Variants in PTK6 observed in about 807,000 individuals in gnomAD.
PTK6 encodes protein tyrosine kinase 6.
PTK6 carries 47 observed loss-of-function variants against 47.5 expected under a neutral mutation model. That is an observed-to-expected ratio of 0.99 (90% CI 0.78 to 1.26). The LOEUF is 1.26. Ranked by LOEUF, PTK6 falls within the 50% of genes most tolerant of loss-of-function variation. PTK6 has a pLI of 0.00. For synonymous variants in PTK6, 287 were observed against 276.5 expected (o/e 1.04, Z -0.38); for missense variants, 618 against 625.3 (o/e 0.99, Z 0.12).
chr20:63,529,503 A>C lies in PTK6; in HGVS notation c.*33T>G. The C allele has an allele frequency of 6.6e-7, 1 of 1,516,720 alleles. No individual in the cohort carries two copies. Among genetic ancestry groups the C allele is most frequent in the South Asian group, 1.3e-5 (1 of 79,574 alleles). 94.0% of individuals were successfully genotyped at this position (1,516,720 alleles called of 1,614,324 possible). On this transcript the variant is annotated 3_prime_UTR_variant, in exon 8 of 8. Coordinates refer to ENST00000542869, the MANE Select transcript of PTK6 (RefSeq NM_005975.4). This position sits in a 1 kb window ranked among gnomAD's most constrained non-coding sequence, Gnocchi z 5.6. ...AGGCCCTCTGCCCAGGCCCCTCCTC[A>C]GCAGGGCCCGGCCATGCCCGCTCCA...
chr20:63,532,982 G>A (rs1258674548), intron 4 of PTK6, among the ~76,000 whole-genome samples: 1 of 152,220 alleles, frequency 6.6e-6, no homozygotes, highest in African/African-American at 2.4e-5. Flanking sequence ...GGGCCCAGAC[G>A]GGTTCCAGGG....
Position 63,537,186 on chromosome 20 carries a change from C to G in PTK6, c.129G>C (p.Gln43His). The G allele has an allele frequency of 6.2e-7, 1 of 1,612,470 alleles. No homozygotes were observed. The highest frequency in any genetic ancestry group is 8.5e-7 in the Non-Finnish European group (1 of 1,179,848). The change falls in exon 1 of 8, where the codon CAG becomes CAC. Residue 43 changes from glutamine (Q) to histidine (H), a missense_variant. Gln to His is a conservative substitution (Grantham distance 24, BLOSUM62 0). Transcript: ENST00000542869. The part of the protein sequence containing the change: ...DVFHVARKEE[Q>H]WWWATLLDEA... The stretch of plus-strand genomic sequence containing the variant: ...CGTCCAGCAGCGTGGCCCACCACCA[C>G]TGCTCCTCCTTCCTGGCCACGTGGA...
rs145345355 is a variant in PTK6, at chr20:63,534,243, G to A, written c.425C>T (p.Ala142Val). ...RAGGRLHLNE[A>V]VSFLSLPELV... Reference sequence around the variant, plus strand: ...CTCGGGCAGGCTGAGGAAGGACACCGCCTCGTTCAGGTGCAGCCGGCCCCC... The same window carrying A: ...CTCGGGCAGGCTGAGGAAGGACACCACCTCGTTCAGGTGCAGCCGGCCCCC... The change falls in exon 3 of 8, where the codon GCG becomes GTG. Residue 142 changes from alanine (A) to valine (V), a missense_variant. Transcript: ENST00000542869. The A allele has an allele frequency of 3.4e-5, 55 of 1,606,690 alleles. No homozygotes were observed. Among genetic ancestry groups the A allele is most frequent in the African/African-American group, 3.1e-4 (23 of 74,940 alleles).
chr20:63,532,303 G>A (rs566438887), intron 5 of PTK6, among the ~76,000 whole-genome samples: 2 of 141,800 alleles, frequency 1.4e-5, no homozygotes, highest in East Asian at 3.9e-4. Context: ...TCTTGTGTGT[G>A]TGTCTGTGTG....
chr20:63,530,640 G>T lies in PTK6; in HGVS notation c.1014+106C>A. The T allele has an allele frequency of 7.3e-7, 1 of 1,370,298 alleles. No homozygotes were observed. Among genetic ancestry groups the T allele is most frequent in the South Asian group, 1.3e-5 (1 of 74,512 alleles). 84.9% of individuals were successfully genotyped at this position (1,370,298 alleles called of 1,614,324 possible). ...CCAGCCTGGGCTCCCGAGGGCAGGG[G>T]CCGCATCCTGCTCCCAGCCGAGTCC... is the stretch of plus-strand genomic sequence containing the variant. On this transcript the variant is annotated intron_variant, in intron 6 of 7. Transcript: ENST00000542869. The surrounding 1 kb of genome is among the most constrained non-coding windows in gnomAD (Gnocchi z 4.1).
Position 63,533,920 on chromosome 20 carries a change from A to G in PTK6, c.517-216T>C, listed in dbSNP as rs1227349296. 6.6e-6 allele frequency among the ~76,000 whole-genome samples: 1 copy of G among 152,042 alleles called. No individual in the cohort carries two copies. Among genetic ancestry groups the G allele is most frequent in the Non-Finnish European group, 1.5e-5 (1 of 67,990 alleles). ...ACAGACCGGAGCCAGGACCCTGCAG[A>G]GTGCCGCTGGCCTCTCCGAGAGTGG... is the stretch of plus-strand genomic sequence containing the variant. On this transcript the variant is annotated intron_variant, in intron 3 of 7. Coordinates refer to ENST00000542869, the MANE Select transcript of PTK6 (RefSeq NM_005975.4). The surrounding 1 kb of genome is among the most constrained non-coding windows in gnomAD (Gnocchi z 4.0).
chr20:63,530,633 G>T lies in PTK6; in HGVS notation c.1014+113C>A. 7.5e-7 allele frequency: 1 copy of T among 1,330,406 alleles called. No homozygotes were observed. The highest frequency in any genetic ancestry group is 1.4e-5 in the South Asian group (1 of 71,694). 82.4% of individuals were successfully genotyped at this position (1,330,406 alleles called of 1,614,324 possible). ...TCCCTGCCCAGCCTGGGCTCCCGAG[G>T]GCAGGGGCCGCATCCTGCTCCCAGC... On this transcript the variant is annotated intron_variant, in intron 6 of 7. Transcript: ENST00000542869. The surrounding 1 kb of genome is among the most constrained non-coding windows in gnomAD (Gnocchi z 4.1).
In PTK6 at chr20:63,532,666, A is replaced by T. The variant is rs764621665; in HGVS notation, c.692T>A (p.Met231Lys). 4 of 1,614,012 alleles carry T rather than the reference A, an allele frequency of 2.5e-6. No homozygotes were observed. Among genetic ancestry groups the T allele is most frequent in the Non-Finnish European group, 3.4e-6 (4 of 1,179,996 alleles). The change falls in exon 5 of 8, where the codon ATG becomes AAG. Residue 231 changes from methionine to lysine, a missense_variant. Met to Lys is a moderately conservative substitution (Grantham distance 95). Transcript: ENST00000542869. ...ISRDNLLHQQ[M>K]LQSEIQAMKK... ...CATGGCCTGGATCTCCGACTGCAGC[A>T]TCTGCTGGTGCAGGAGGTTGTCTGC...
rs574498831 is a variant in PTK6, at chr20:63,535,033, G to A, written c.257C>T (p.Ser86Leu). The change falls in exon 2 of 8, where the codon TCG (serine) becomes TTG (leucine). Residue 86 changes from serine to leucine, a missense_variant. By Grantham distance (145) the Ser-to-Leu change is moderately radical (BLOSUM62 -2). Transcript: ENST00000542869. ...EPWFFGCISRSEAVRRLQAEG... is the reference protein window; with the variant it reads ...EPWFFGCISRLEAVRRLQAEG... ...GGCCTGCAGCCGACGCACAGCTTCC[G>A]AGCGGGAGATGCAGCCAAAGAACCA... 4.4e-6 allele frequency: 7 copies of A among 1,605,636 alleles called. No homozygotes were observed. Among genetic ancestry groups the A allele is most frequent in the East Asian group, 2.2e-5 (1 of 44,630 alleles).
intron 5 of PTK6, among the ~76,000 whole-genome samples, chr20:63,531,761 C>G (rs528355792): frequency 6.6e-6 from 1 of 152,224 alleles, no homozygotes; most frequent in Non-Finnish European, 1.5e-5. Context: ...AGTGGGAACT[C>G]GAACAGGAGA....
Position 63,529,500 on chromosome 20 carries a change from C to G in PTK6, c.*36G>C, listed in dbSNP as rs763957498. ...TCCAGGCCCTCTGCCCAGGCCCCTC[C>G]TCAGCAGGGCCCGGCCATGCCCGCT... is the stretch of plus-strand genomic sequence containing the variant. On this transcript the variant is annotated 3_prime_UTR_variant, in exon 8 of 8. Transcript: ENST00000542869. The surrounding 1 kb of genome is among the most constrained non-coding windows in gnomAD (Gnocchi z 5.6). 7 of 1,513,526 alleles carry G rather than the reference C, an allele frequency of 4.6e-6. No individual in the cohort carries two copies. The highest frequency in any genetic ancestry group is 6.2e-6 in the Non-Finnish European group (7 of 1,131,080). 93.8% of individuals were successfully genotyped at this position (1,513,526 alleles called of 1,614,324 possible). A position where few individuals can be genotyped will look rare whatever the true frequency, so the allele number is the denominator to read the frequency against.
Position 63,530,106 on chromosome 20 carries a change from C to G in PTK6, c.1140G>C (p.Met380Ile). The change falls in exon 7 of 8, where the codon ATG becomes ATC. Residue 380 changes from methionine to isoleucine, a missense_variant. Transcript: ENST00000542869. This position sits in a 1 kb window ranked among gnomAD's most constrained non-coding sequence, Gnocchi z 4.1. The part of the protein sequence containing the change: ...VWSFGILLHE[M>I]FSRGQVPYPG... ...GGTAGGGCACCTGACCCCTGCTGAACATCTCATGCAGGAGAATCCCAAAGG... is the reference window on the plus strand; with the variant it reads ...GGTAGGGCACCTGACCCCTGCTGAAGATCTCATGCAGGAGAATCCCAAAGG... 6.2e-7 allele frequency: 1 copy of G among 1,614,078 alleles called. No individual in the cohort carries two copies. Among genetic ancestry groups the G allele is most frequent in the South Asian group, 1.1e-5 (1 of 91,092 alleles).
At position 63,537,178 on chromosome 20, in the gene PTK6, C is replaced by T. The variant is rs778061555; in HGVS notation, c.137G>A (p.Trp46Ter). 34 of 1,612,276 alleles carry T rather than the reference C, an allele frequency of 2.1e-5. No homozygotes were observed. In the East Asian group the frequency reaches 5.8e-4, roughly 27 times the overall value. Residue 46 changes from tryptophan (W) to a stop codon, truncating the protein, a stop_gained, in exon 1 of 8, where the codon TGG becomes TAG. Transcript: ENST00000542869. LOFTEE classifies it high-confidence loss of function. ...HVARKEEQWW[W>*]ATLLDEAGGA... ...ACCCGCCTCGTCCAGCAGCGTGGCC[C>T]ACCACCACTGCTCCTCCTTCCTGGC...
chr20:63,534,122 C>T lies in PTK6; in HGVS notation c.516+30G>A, dbSNP rs749785470. ...AGCCTGTGACCCCCCAGCCTGACCCCGCGTGACCAAGTCAGGGCGGAGCGG... is the reference window on the plus strand; with the variant it reads ...AGCCTGTGACCCCCCAGCCTGACCCTGCGTGACCAAGTCAGGGCGGAGCGG... On this transcript the variant is annotated intron_variant, in intron 3 of 7. Transcript: ENST00000542869. 18 of 1,516,062 alleles carry T rather than the reference C, an allele frequency of 1.2e-5. 1 individual carries two copies. In the South Asian group the frequency reaches 1.6e-4, roughly 14 times the overall value. 93.9% of individuals were successfully genotyped at this position (1,516,062 alleles called of 1,614,324 possible).
chr20:63,531,793 C>A (rs1020477751), intron 5 of PTK6, among the ~76,000 whole-genome samples: 3 of 152,148 alleles, frequency 2.0e-5, no homozygotes, highest in African/African-American at 7.2e-5. Context: ...CGGCTTGCGG[C>A]CTGGTGGTGC....
chr20:63,533,807 C>A lies in PTK6; in HGVS notation c.517-103G>T. On this transcript the variant is annotated intron_variant, in intron 3 of 7. Transcript: ENST00000542869. The surrounding 1 kb of genome is among the most constrained non-coding windows in gnomAD (Gnocchi z 4.0). ...GGATTTAGCCTCAGATTTAGGGCCA[C>A]GATCAGCCTGGGTTGGGGGTTTCTG... 2 of 1,460,920 alleles carry A rather than the reference C, an allele frequency of 1.4e-6. No homozygotes were observed. The highest frequency in any genetic ancestry group is 1.8e-6 in the Non-Finnish European group (2 of 1,092,408). The allele number at this position is 1,460,920 out of a possible 1,614,324, so 90.5% of individuals were successfully genotyped here.
At position 63,533,259 on chromosome 20, in the gene PTK6, G is replaced by A. The variant is rs188161285; in HGVS notation, c.670+292C>T. Among the ~76,000 whole-genome samples, 31 of 152,112 alleles carry A rather than the reference G, an allele frequency of 2.0e-4. No individual in the cohort carries two copies. The highest frequency in any genetic ancestry group is 4.3e-4 in the Non-Finnish European group (29 of 67,986). On this transcript the variant is annotated intron_variant, in intron 4 of 7. Coordinates refer to ENST00000542869, the MANE Select transcript of PTK6 (RefSeq NM_005975.4). The surrounding 1 kb of genome is among the most constrained non-coding windows in gnomAD (Gnocchi z 4.0). Reference sequence around the variant, plus strand: ...ATTTTTGTATTTTTAGTAGAGACGTGGTTTCCCCATGTTGGCCAGGCTGGT... The same window carrying A: ...ATTTTTGTATTTTTAGTAGAGACGTAGTTTCCCCATGTTGGCCAGGCTGGT...
Position 63,537,326 on chromosome 20 carries a change from G to A in PTK6, c.-12C>T, listed in dbSNP as rs780848697. On this transcript the variant is annotated 5_prime_UTR_variant, in exon 1 of 8. Transcript: ENST00000542869. ...TCCCGGGACACCATGGCGGGCGGGC[G>A]CAGCGGCAGGACCAGGCTGTGGCCC... The A allele has an allele frequency of 1.0e-5, 16 of 1,595,336 alleles. No homozygotes were observed. In the South Asian group the frequency reaches 1.0e-4, roughly 10 times the overall value.
chr20:63,530,002 C>G lies in PTK6; in HGVS notation c.1168+76G>C. 6.5e-7 allele frequency: 1 copy of G among 1,548,482 alleles called. No individual in the cohort carries two copies. The highest frequency in any genetic ancestry group is 8.8e-7 in the Non-Finnish European group (1 of 1,133,758). On this transcript the variant is annotated intron_variant, in intron 7 of 7. Coordinates refer to ENST00000542869, the MANE Select transcript of PTK6 (RefSeq NM_005975.4). The surrounding 1 kb of genome is among the most constrained non-coding windows in gnomAD (Gnocchi z 4.1). ...CTGAAGCCCGTGGGGGAGGCACCCCCCAGCGTCCCTGCCGGCTACCCAGGA... is the reference window on the plus strand; with the variant it reads ...CTGAAGCCCGTGGGGGAGGCACCCCGCAGCGTCCCTGCCGGCTACCCAGGA...
Sources: gnomAD v4.1 joint callset for allele counts (sites outside exome capture counted in the v4.1 genomes callset) on GRCh38, gnomAD v4.1.1 for gene constraint, Gnocchi (gnomAD v3.1) non-coding constraint, MANE v1.5 for transcripts, NCBI Gene and HGNC (gene_info 2026-07-23, HGNC 2026-07-21) for gene names.